The following APBB2 variants were observed in gnomAD, a reference collection of about 807,000 sequenced individuals.
APBB2 encodes the protein amyloid beta precursor protein binding family B member 2, also known as Fe65-like 1.
Under a neutral mutation model 82.5 loss-of-function variants are expected in APBB2, and 38 were observed. The ratio of observed to expected loss-of-function variants is 0.46; its 90% CI spans 0.36 to 0.60. APBB2 has a LOEUF of 0.60. Ranked by LOEUF, APBB2 falls within the 20% of genes least tolerant of loss-of-function variation. The pLI is 0.00. For missense variants in APBB2, 772 were observed against 972.3 expected (o/e 0.79, Z 2.74); for synonymous variants, 341 against 368.2 (o/e 0.93, Z 0.85).
chr4:40,933,227 T>G (rs1475256692), intron 10 of APBB2, among the ~76,000 whole-genome samples: 6 of 152,202 alleles, frequency 3.9e-5, no homozygotes, highest in Non-Finnish European at 7.3e-5. Context: ...TACTTGTAAG[T>G]GCAAACCCTT....
chr4:40,830,019 C>T (rs1054600367), intron 13 of APBB2, among the ~76,000 whole-genome samples: 10 of 152,318 alleles, frequency 6.6e-5, no homozygotes, highest in East Asian at 1.9e-4. Context: ...CTGGAAAATC[C>T]GCTTTGACTC....
chr4:41,099,774 G>A (rs1744739177), intron 3 of APBB2, among the ~76,000 whole-genome samples: 1 of 152,108 alleles, frequency 6.6e-6, no homozygotes, highest in African/African-American at 2.4e-5. Context: ...AGCATAGGAA[G>A]TTTAGAAAGC....
At chr4:40,916,557 G>A (rs939907079) in intron 10 of APBB2, among the ~76,000 whole-genome samples, 2 of 152,200 alleles carry the variant, frequency 1.3e-5, no homozygotes, top group East Asian at 1.9e-4. Context: ...TTTGGCCCAT[G>A]TAGACTTATG....
intron 4 of APBB2, among the ~76,000 whole-genome samples, chr4:41,058,303 A>G (rs367802914): frequency 1.6e-4 from 24 of 152,068 alleles, no homozygotes; most frequent in African/African-American, 5.8e-4. Context: ...AAAAAAAAAA[A>G]GCAAGAGCAA....
rs1203460723 is a variant in APBB2 at position 40,982,364 on chromosome 4, AAGGAAGGAAGGAAGGAAGGAAGG to A, written c.835+31196_835+31218del. 3.5e-3 allele frequency among the ~76,000 whole-genome samples: 57 copies of A among 16,446 alleles called. 6 individuals carry two copies. The highest frequency in any genetic ancestry group is 0.019 in the East Asian group (7 of 370). The allele number at this position is 16,446 out of a possible 152,430, so 10.8% of individuals were successfully genotyped here. A position where few individuals can be genotyped will look rare whatever the true frequency, so the allele number is the denominator to read the frequency against. On this transcript the variant is annotated intron_variant, in intron 6 of 17. Coordinates refer to ENST00000508593, the MANE Select transcript of APBB2 (RefSeq NM_004307.2). ...GAAGGAAGGAAGGAAGGAAGGAAGG[AAGGAAGGAAGGAAGGAAGGAAGG>A]AAGGAAAGGAAAGGAAAGAAAGAAA... is the stretch of plus-strand genomic sequence containing the variant.
chr4:41,172,698 C>T (rs1768651602), intron 1 of APBB2, among the ~76,000 whole-genome samples: 1 of 152,240 alleles, frequency 6.6e-6, no homozygotes, highest in Non-Finnish European at 1.5e-5. Flanking sequence ...ATAGTATGGA[C>T]ACAGTAAGCA....
chr4:41,069,016 G>A (rs1579744402), intron 3 of APBB2, among the ~76,000 whole-genome samples: 1 of 151,854 alleles, frequency 6.6e-6, no homozygotes, highest in Non-Finnish European at 1.5e-5. Context: ...GGATGGTCTC[G>A]ATCTCTTGAC....
intron 7 of APBB2, among the ~76,000 whole-genome samples, chr4:40,939,557 C>T (rs776737564): frequency 2.1e-4 from 32 of 152,190 alleles, no homozygotes; most frequent in African/African-American, 5.5e-4. Context: ...CCAAGGACTA[C>T]GGCAGGCAAT....
At chr4:40,851,738 A>ATATATATATATATATTTTT (rs1192919460) in intron 12 of APBB2, among the ~76,000 whole-genome samples, 1 of 67,736 alleles carries the variant, frequency 1.5e-5, no homozygotes, top group Non-Finnish European at 3.3e-5. Context: ...ATATATATAT[A>ATATATATATATATATTTTT]TTTTTTTTTT....
intron 10 of APBB2, among the ~76,000 whole-genome samples, chr4:40,909,576 T>C (rs1387259327): frequency 6.6e-6 from 1 of 152,194 alleles, no homozygotes; most frequent in Non-Finnish European, 1.5e-5. Flanking sequence ...ATGAGTCCTA[T>C]TTTTATCAAT....
chr4:41,010,304 T>A (rs1206204490), intron 6 of APBB2, among the ~76,000 whole-genome samples: 5 of 152,158 alleles, frequency 3.3e-5, no homozygotes, highest in Non-Finnish European at 7.4e-5. Context: ...ATACCTATCC[T>A]CAGCAACTTA....
chr4:40,972,289 G>A (rs1281801973), intron 6 of APBB2, among the ~76,000 whole-genome samples: 2 of 151,934 alleles, frequency 1.3e-5, no homozygotes, highest in East Asian at 1.9e-4. Context: ...TTAGCCAGGC[G>A]TGGTGGCGGG....
intron 12 of APBB2, chr4:40,857,201 C>A: frequency 1.0e-6 from 1 of 984,978 alleles, no homozygotes; most frequent in Non-Finnish European, 1.2e-6. Flanking sequence ...CTGCCCCGCC[C>A]GCCGCGGCCG....
chr4:41,203,743 G>A (rs1017045945), intron 1 of APBB2, among the ~76,000 whole-genome samples: 5 of 152,094 alleles, frequency 3.3e-5, no homozygotes, highest in African/African-American at 1.2e-4. Flanking sequence ...TTCCCTTCCT[G>A]TGTGAACTGT....
intron 12 of APBB2, among the ~76,000 whole-genome samples, chr4:40,834,219 C>A (rs1218758985): frequency 6.6e-6 from 1 of 152,050 alleles, no homozygotes. Context: ...AGTCCGGTAA[C>A]TAACCCTCCA....
At chr4:40,852,139 C>T (rs985908966) in intron 12 of APBB2, among the ~76,000 whole-genome samples, 3 of 151,872 alleles carry the variant, frequency 2.0e-5, no homozygotes, top group Admixed American at 1.3e-4. Context: ...CACTTGAGGT[C>T]GGGAGCTCAA....
intron 12 of APBB2, among the ~76,000 whole-genome samples, chr4:40,867,634 G>A (rs1179568374): frequency 6.6e-6 from 1 of 152,128 alleles, no homozygotes; most frequent in East Asian, 1.9e-4. Flanking sequence ...ATTCTCCATT[G>A]AGCTCATTCA....
intron 17 of APBB2, among the ~76,000 whole-genome samples, chr4:40,820,303 C>G (rs1747401000): frequency 6.6e-6 from 1 of 152,238 alleles, no homozygotes; most frequent in Non-Finnish European, 1.5e-5. Context: ...CTGATCGCCA[C>G]CTCAGCCTTG....
chr4:40,851,525 G>A (rs1004026922), intron 12 of APBB2, among the ~76,000 whole-genome samples: 1 of 151,942 alleles, frequency 6.6e-6, no homozygotes, highest in African/African-American at 2.4e-5. Flanking sequence ...AGGCCAACTT[G>A]GCCCCATTGT....
Sources: gnomAD v4.1 joint callset for allele counts (sites outside exome capture counted in the v4.1 genomes callset) on GRCh38, gnomAD v4.1.1 for gene constraint, MANE v1.5 for transcripts, NCBI Gene and HGNC (gene_info 2026-07-23, HGNC 2026-07-21) for gene names.